Variants in KLRG1 observed in about 807,000 individuals in gnomAD.
The protein encoded by KLRG1 is killer cell lectin like receptor G1.
A neutral mutation model predicts 21.8 loss-of-function variants in KLRG1; 16 were observed. That is an observed-to-expected ratio of 0.73 (90% CI 0.50 to 1.11). The LOEUF (loss-of-function observed/expected upper bound fraction) is 1.11. Ranked by LOEUF, KLRG1 falls within the 50% of genes most tolerant of loss-of-function variation. The probability of loss-of-function intolerance (pLI) is 0.00; values close to 1 mark genes in which losing one functional copy is unlikely to be tolerated. For missense variants in KLRG1, 173 were observed against 218.3 expected (o/e 0.79, Z 1.31); for synonymous variants, 69 against 75.9 (o/e 0.91, Z 0.47).
chr12:9,123,359 C>T, the KLRG1 span, among the ~76,000 whole-genome samples: 1 of 151,886 alleles, frequency 6.6e-6, no homozygotes, highest in African/African-American at 2.4e-5. Context: ...AACAATATGC[C>T]AACATCACTA....
chr12:9,208,733 T>A, the KLRG1 span, among the ~76,000 whole-genome samples: 1 of 152,212 alleles, frequency 6.6e-6, no homozygotes, highest in Non-Finnish European at 1.5e-5. Flanking sequence ...TAGTAGCTCA[T>A]GCATTGCAGA....
the KLRG1 span, among the ~76,000 whole-genome samples, chr12:9,022,608 A>G: frequency 6.6e-6 from 1 of 152,092 alleles, no homozygotes; most frequent in African/African-American, 2.4e-5. Flanking sequence ...CAATAAGACC[A>G]AGGCATGATC....
At chr12:9,034,428 T>G in the KLRG1 span, among the ~76,000 whole-genome samples, 1 of 152,090 alleles carries the variant, frequency 6.6e-6, no homozygotes, top group Non-Finnish European at 1.5e-5. Flanking sequence ...TATTGATTTA[T>G]GTACTTAATA....
the KLRG1 span, among the ~76,000 whole-genome samples, chr12:9,172,326 A>G: frequency 2.6e-5 from 4 of 152,228 alleles, no homozygotes; most frequent in African/African-American, 9.6e-5. Flanking sequence ...CTGCCTTGCA[A>G]GAGCTCCTGA....
chr12:9,047,326 C>A, the KLRG1 span, among the ~76,000 whole-genome samples: 2 of 152,268 alleles, frequency 1.3e-5, no homozygotes, highest in East Asian at 3.9e-4. Context: ...ATGTGCACCA[C>A]CTGTGACTCA....
the KLRG1 span, among the ~76,000 whole-genome samples, chr12:9,125,172 T>C: frequency 6.6e-6 from 1 of 152,184 alleles, no homozygotes; most frequent in Non-Finnish European, 1.5e-5. Flanking sequence ...CTCCAGGGCC[T>C]CCTCTCTGCT....
At chr12:9,159,246 A>G in the KLRG1 span, among the ~76,000 whole-genome samples, 22 of 152,226 alleles carry the variant, frequency 1.4e-4, no homozygotes, top group Admixed American at 9.2e-4. Context: ...GGGTCTGGGT[A>G]TATTGGATTA....
the KLRG1 span, among the ~76,000 whole-genome samples, chr12:9,070,922 G>A: frequency 1.3e-5 from 2 of 151,890 alleles, no homozygotes; most frequent in Non-Finnish European, 2.9e-5. Context: ...CTGGGTTCAA[G>A]TGATTCTCCT....
At chr12:9,031,324 A>G in the KLRG1 span, among the ~76,000 whole-genome samples, 1 of 152,364 alleles carries the variant, frequency 6.6e-6, no homozygotes, top group South Asian at 2.1e-4. Context: ...CTGAATTAGA[A>G]TTAGGATCCT....
intron 1 of KLRG1, among the ~76,000 whole-genome samples, chr12:8,967,609 C>T (rs148439198): frequency 0.013 from 1,922 of 152,120 alleles, 4 homozygotes; most frequent in Middle Eastern, 0.051. Flanking sequence ...GCAGTCTCAG[C>T]TACTTGAAGG....
chr12:8,980,229 TG>T (rs1216294505), intron 1 of KLRG1, among the ~76,000 whole-genome samples: 1 of 152,140 alleles, frequency 6.6e-6, no homozygotes, highest in African/African-American at 2.4e-5. Context: ...CTGTTTTTTT[TG>T]TTTTTTTGTT....
the KLRG1 span, among the ~76,000 whole-genome samples, chr12:9,071,717 G>A: frequency 6.6e-6 from 1 of 152,132 alleles, no homozygotes; most frequent in Admixed American, 6.5e-5. Flanking sequence ...TCCTGTGCTA[G>A]TTTGCCAAGG....
chr12:9,193,552 A>G, the KLRG1 span, among the ~76,000 whole-genome samples: 11 of 152,210 alleles, frequency 7.2e-5, no homozygotes, highest in African/African-American at 2.7e-4. Context: ...ACATGTTTTT[A>G]AACTGAGTTA....
chr12:9,200,947 C>A, the KLRG1 span: 1 of 1,614,038 alleles, frequency 6.2e-7, no homozygotes, highest in Non-Finnish European at 8.5e-7. Context: ...CTGTCTGTAC[C>A]ACCACCCTGT....
chr12:8,955,375 ATTTTTTTTTT>A (rs61263683), intron 1 of KLRG1, among the ~76,000 whole-genome samples: 1 of 71,332 alleles, frequency 1.4e-5, no homozygotes, highest in African/African-American at 5.5e-5. Flanking sequence ...TATTGCTCTG[ATTTTTTTTTT>A]TTTTTTTTTT....
the KLRG1 span, chr12:9,164,220 A>G: frequency 1.2e-6 from 2 of 1,612,370 alleles, no homozygotes; most frequent in South Asian, 1.1e-5. Context: ...GTATTTTGGG[A>G]AGCTAGGAAG....
chr12:9,095,483 A>C, the KLRG1 span: 1 of 1,518,340 alleles, frequency 6.6e-7, no homozygotes, highest in South Asian at 1.2e-5. Context: ...ACTCTTTTCC[A>C]TGTGTAATAT....
At chr12:8,957,856 TATG>T (rs1394165977) in intron 1 of KLRG1, among the ~76,000 whole-genome samples, 4 of 152,162 alleles carry the variant, frequency 2.6e-5, no homozygotes, top group Non-Finnish European at 5.9e-5. Flanking sequence ...ATGTAAAACT[TATG>T]AGTAGTTTAT....
chr12:9,131,342 A>G, the KLRG1 span, among the ~76,000 whole-genome samples: 1 of 152,178 alleles, frequency 6.6e-6, no homozygotes, highest in Non-Finnish European at 1.5e-5. Context: ...TTGGTCTTCC[A>G]TTATTTAAAT....
Sources: allele counts gnomAD v4.1 joint callset (sites outside exome capture counted in the v4.1 genomes callset), GRCh38; gene constraint gnomAD v4.1.1; transcripts MANE v1.5; gene names NCBI Gene and HGNC (gene_info 2026-07-23, HGNC 2026-07-21).